Variants in CSMD1 observed in about 807,000 individuals in gnomAD.
CSMD1 encodes CUB and Sushi multiple domains 1.
In CSMD1, 213 loss-of-function variants were observed where a neutral mutation model predicts 417.5. The observed-to-expected ratio is 0.51, with a 90% confidence interval of 0.46 to 0.57. CSMD1 has a LOEUF of 0.57. CSMD1 is among the 20% of genes least tolerant of loss of function. The pLI, the probability that CSMD1 is intolerant of heterozygous loss-of-function variation, is 0.00. For missense variants in CSMD1, 6,923 were observed against 4,529.7 expected, an observed-to-expected ratio of 1.53 and a Z score of -15.17; for synonymous variants, 2,862 against 1,736.8, an observed-to-expected ratio of 1.65 and a Z score of -16.11.
intron 1 of CSMD1, among the ~76,000 whole-genome samples, chr8:4,717,578 C>A (rs1229436053): frequency 6.6e-6 from 1 of 151,156 alleles, no homozygotes. Flanking sequence ...ATCCATCCAT[C>A]CATCCATACA....
intron 3 of CSMD1, among the ~76,000 whole-genome samples, chr8:4,112,532 C>G (rs1392746691): frequency 2.0e-5 from 3 of 152,294 alleles, no homozygotes; most frequent in South Asian, 2.1e-4. Context: ...ACATCCCAAA[C>G]TGGACACAGC....
At chr8:4,289,047 A>G (rs376366455) in intron 3 of CSMD1, among the ~76,000 whole-genome samples, 1 of 152,364 alleles carries the variant, frequency 6.6e-6, no homozygotes, top group South Asian at 2.1e-4. Context: ...CATAATGAGC[A>G]TAAAAACAGT....
At chr8:4,307,507 T>C (rs772074152) in intron 3 of CSMD1, among the ~76,000 whole-genome samples, 9 of 152,150 alleles carry the variant, frequency 5.9e-5, no homozygotes, top group Non-Finnish European at 1.2e-4. Context: ...CACTACCCTG[T>C]TATGTCAACC....
chr8:3,313,797 G>T (rs570730145), intron 23 of CSMD1, among the ~76,000 whole-genome samples: 4 of 152,152 alleles, frequency 2.6e-5, no homozygotes, highest in Non-Finnish European at 5.9e-5. Context: ...TATAAATCAT[G>T]CTTCTATAAG....
intron 3 of CSMD1, among the ~76,000 whole-genome samples, chr8:4,324,332 C>T (rs1005681987): frequency 6.6e-6 from 1 of 152,178 alleles, no homozygotes; most frequent in Non-Finnish European, 1.5e-5. Flanking sequence ...GAAATCAATA[C>T]TCGGAAGGTC....
chr8:3,842,002 G>C (rs1473828290), intron 5 of CSMD1, among the ~76,000 whole-genome samples: 1 of 152,152 alleles, frequency 6.6e-6, no homozygotes, highest in Admixed American at 6.5e-5. Context: ...GCATCAATTT[G>C]TATATCGAGT....
chr8:3,740,349 G>A lies in CSMD1; in HGVS notation c.931+13581C>T, dbSNP rs555208990. On this transcript the variant is annotated intron_variant, in intron 6 of 69. Transcript: ENST00000635120. ...TCGAACTCCTTAACTCAAATGATCCGCCTTCCTTTCATTGGGCAGCACAAA... is the reference window on the plus strand; with the variant it reads ...TCGAACTCCTTAACTCAAATGATCCACCTTCCTTTCATTGGGCAGCACAAA... Among the ~76,000 whole-genome samples, 29 of 152,252 alleles carry A rather than the reference G, an allele frequency of 1.9e-4. No individual in the cohort carries two copies. The South Asian group carries it at 3.5e-3, about 19-fold the overall frequency.
At chr8:3,571,382 C>G (rs1799936016) in intron 10 of CSMD1, among the ~76,000 whole-genome samples, 1 of 152,102 alleles carries the variant, frequency 6.6e-6, no homozygotes, top group South Asian at 2.1e-4. Flanking sequence ...GAAGTCTGTT[C>G]CCTGGTTAAA....
At chr8:4,061,935 G>A (rs535687119) in intron 3 of CSMD1, among the ~76,000 whole-genome samples, 3 of 152,114 alleles carry the variant, frequency 2.0e-5, no homozygotes, top group African/African-American at 7.2e-5. Context: ...ACTGACTAAC[G>A]AAAGATTCTT....
intron 1 of CSMD1, among the ~76,000 whole-genome samples, chr8:4,929,115 C>A (rs184822414): frequency 1.3e-5 from 2 of 152,188 alleles, no homozygotes; most frequent in Admixed American, 1.3e-4. Context: ...TTAATTCAGT[C>A]CCACTGGTGT....
rs116718204 is a variant in CSMD1 at position 3,479,217 on chromosome 8, G to T, written c.1449-10393C>A. ...AGACCCACATGCCAAGCCTAAACAA[G>T]GTACTTGCTTGCTAAAATATTAGGT... is the stretch of plus-strand genomic sequence containing the variant. On this transcript the variant is annotated intron_variant, in intron 11 of 69. Transcript: ENST00000635120. 6.1e-3 allele frequency among the ~76,000 whole-genome samples: 929 copies of T among 152,240 alleles called. 7 individuals are homozygous for T. Among genetic ancestry groups the T allele is most frequent in the African/African-American group, 0.021 (869 of 41,534 alleles).
At chr8:4,195,796 G>C (rs990902471) in intron 3 of CSMD1, among the ~76,000 whole-genome samples, 10 of 152,122 alleles carry the variant, frequency 6.6e-5, no homozygotes, top group Non-Finnish European at 1.0e-4. Context: ...GAATGAGCTT[G>C]GATGCACAGT....
At chr8:4,137,839 T>C (rs1803526149) in intron 3 of CSMD1, among the ~76,000 whole-genome samples, 1 of 149,640 alleles carries the variant, frequency 6.7e-6, no homozygotes, top group Non-Finnish European at 1.5e-5. Context: ...CAGTTAGTGT[T>C]ATTTTACCTT....
At chr8:3,620,339 G>C (rs981687892) in intron 7 of CSMD1, among the ~76,000 whole-genome samples, 6 of 150,918 alleles carry the variant, frequency 4.0e-5, no homozygotes, top group Middle Eastern at 3.4e-3. Flanking sequence ...CTCATGAAAA[G>C]AAAAGGGTCC....
intron 5 of CSMD1, among the ~76,000 whole-genome samples, chr8:3,982,394 T>G (rs973745180): frequency 4.6e-5 from 7 of 151,562 alleles, no homozygotes; most frequent in African/African-American, 1.7e-4. Flanking sequence ...GTTAGGAAAA[T>G]TAAATGAGCT....
At chr8:2,971,625 T>C (rs1365179488) in intron 57 of CSMD1, among the ~76,000 whole-genome samples, 8 of 152,190 alleles carry the variant, frequency 5.3e-5, no homozygotes, top group Admixed American at 1.3e-4. Context: ...TGAAGTACTA[T>C]ATGAAAGAGT....
At chr8:3,745,960 T>C (rs927772485) in intron 6 of CSMD1, among the ~76,000 whole-genome samples, 9 of 152,146 alleles carry the variant, frequency 5.9e-5, no homozygotes, top group Non-Finnish European at 1.3e-4. Flanking sequence ...TCATGACCAG[T>C]TGGTCAATGT....
intron 5 of CSMD1, among the ~76,000 whole-genome samples, chr8:3,794,601 T>C (rs1799937612): frequency 7.2e-6 from 1 of 138,264 alleles, no homozygotes; most frequent in Non-Finnish European, 1.6e-5. Flanking sequence ...CATTTTTTTC[T>C]CGATATATTA....
chr8:3,938,980 A>G (rs892227841), intron 5 of CSMD1, among the ~76,000 whole-genome samples: 3 of 152,126 alleles, frequency 2.0e-5, no homozygotes, highest in Non-Finnish European at 2.9e-5. Flanking sequence ...GGAGTATGAG[A>G]GTGTGGAATG....
Sources: gnomAD v4.1 joint callset for allele counts (sites outside exome capture counted in the v4.1 genomes callset) on GRCh38, gnomAD v4.1.1 for gene constraint, MANE v1.5 for transcripts, NCBI Gene and HGNC (gene_info 2026-07-23, HGNC 2026-07-21) for gene names.